The following MTNAP1 variants were observed in gnomAD, a reference collection of about 807,000 sequenced individuals.
MTNAP1 encodes the protein mitochondrial nucleoid associated protein 1, also known as mitochondrial nucleoid-associated protein 1.
the MTNAP1 span, chr17:73,235,925 C>T: frequency 6.2e-7 from 1 of 1,614,174 alleles, no homozygotes; most frequent in African/African-American, 1.3e-5. Context: ...AAAACCTCTC[C>T]TAAAAGAGAA....
chr17:73,238,197 G>C, the MTNAP1 span, among the ~76,000 whole-genome samples: 1 of 151,958 alleles, frequency 6.6e-6, no homozygotes, highest in Non-Finnish European at 1.5e-5. Context: ...CTCATCTTTA[G>C]TTATGAGACC....
the MTNAP1 span, chr17:73,242,094 A>G: frequency 1.9e-5 from 9 of 482,408 alleles, no homozygotes; most frequent in African/African-American, 9.9e-5. Flanking sequence ...GACTTTCAAC[A>G]CTTAGCTGCA....
chr17:73,236,409 C>G, the MTNAP1 span: 2 of 1,613,954 alleles, frequency 1.2e-6, no homozygotes, highest in Non-Finnish European at 1.7e-6. Context: ...CGTGTGGGAG[C>G]AAAGGAAATG....
chr17:73,242,929 G>T, the MTNAP1 span: 1 of 1,614,020 alleles, frequency 6.2e-7, no homozygotes, highest in Non-Finnish European at 8.5e-7. Context: ...ATAAGGAAGA[G>T]TGGATTCGGT....
At chr17:73,232,519 A>T in the MTNAP1 span, 1 of 478,382 alleles carries the variant, frequency 2.1e-6, no homozygotes, top group Non-Finnish European at 3.7e-6. Context: ...CCAGGTTTCA[A>T]ATAAATTCAA....
At chr17:73,234,190 C>T in the MTNAP1 span, among the ~76,000 whole-genome samples, 326 of 152,156 alleles carry the variant, frequency 2.1e-3, 1 homozygote, top group Non-Finnish European at 3.8e-3. Flanking sequence ...AGATATGTTT[C>T]CTGCCCTCTG....
chr17:73,244,013 T>C, the MTNAP1 span, among the ~76,000 whole-genome samples: 1 of 152,234 alleles, frequency 6.6e-6, no homozygotes, highest in South Asian at 2.1e-4. Flanking sequence ...CCAATGTGTC[T>C]AAGTCTTATT....
the MTNAP1 span, chr17:73,242,392 T>C: frequency 7.4e-7 from 1 of 1,355,848 alleles, no homozygotes; most frequent in Non-Finnish European, 1.0e-6. Flanking sequence ...TTGCAGGTTC[T>C]GGGCATTTGG....
the MTNAP1 span, chr17:73,242,754 C>A: frequency 1.6e-6 from 1 of 636,734 alleles, no homozygotes; most frequent in Non-Finnish European, 2.7e-6. Flanking sequence ...TGATGTTAGC[C>A]TTTATGTGTT....
the MTNAP1 span, among the ~76,000 whole-genome samples, chr17:73,238,715 G>C: frequency 2.6e-5 from 4 of 152,166 alleles, no homozygotes; most frequent in Non-Finnish European, 5.9e-5. Context: ...GGACAGAGAG[G>C]TGGGCAGAGT....
the MTNAP1 span, among the ~76,000 whole-genome samples, chr17:73,239,098 G>T: frequency 6.6e-6 from 1 of 151,784 alleles, no homozygotes; most frequent in African/African-American, 2.4e-5. Flanking sequence ...CACCACGCCC[G>T]GCTAATTTTG....
chr17:73,243,411 C>T, the MTNAP1 span, among the ~76,000 whole-genome samples: 1 of 152,152 alleles, frequency 6.6e-6, no homozygotes, highest in Admixed American at 6.5e-5. Context: ...ACCTCAGCCT[C>T]CCAAAGTGCT....
the MTNAP1 span, chr17:73,233,385 G>A: frequency 6.6e-6 from 1 of 152,324 alleles, no homozygotes; most frequent in South Asian, 2.1e-4. Flanking sequence ...GATCTTTCAA[G>A]TAGGGTTGAG....
chr17:73,243,114 T>A, the MTNAP1 span: 1 of 793,270 alleles, frequency 1.3e-6, no homozygotes. Flanking sequence ...AGCTTTACAG[T>A]ATCTGGCATG....
the MTNAP1 span, chr17:73,247,452 G>C: frequency 4.6e-6 from 5 of 1,083,232 alleles, no homozygotes; most frequent in Non-Finnish European, 6.9e-6. Context: ...AGCATTAAGG[G>C]ATAGCTTTTC....
the MTNAP1 span, chr17:73,242,093 C>A: frequency 7.6e-4 from 365 of 478,104 alleles, 1 homozygote; most frequent in African/African-American, 6.5e-3. Context: ...TGACTTTCAA[C>A]ACTTAGCTGC....
the MTNAP1 span, chr17:73,248,613 G>A: frequency 7.1e-7 from 1 of 1,416,334 alleles, no homozygotes; most frequent in East Asian, 2.5e-5. Context: ...TCCCGCAGAA[G>A]AGGCATGGTG....
At chr17:73,232,636 T>G in the MTNAP1 span, 168 of 211,722 alleles carry the variant, frequency 7.9e-4, no homozygotes, top group Non-Finnish European at 1.1e-3. Flanking sequence ...CGAGGTTCCT[T>G]GGCCGGGGGT....
chr17:73,233,634 CGGGT>C, the MTNAP1 span, among the ~76,000 whole-genome samples: 6 of 152,288 alleles, frequency 3.9e-5, no homozygotes, highest in Admixed American at 2.6e-4. Context: ...GAGGCCGAGG[CGGGT>C]GGATCACCTG....
Sources: allele counts gnomAD v4.1 joint callset (sites outside exome capture counted in the v4.1 genomes callset), GRCh38; gene constraint gnomAD v4.1.1; transcripts MANE v1.5; gene names NCBI Gene and HGNC (gene_info 2026-07-23, HGNC 2026-07-21).